The following GMEB2 variants were observed in gnomAD, a reference collection of about 807,000 sequenced individuals.
GMEB2 encodes glucocorticoid modulatory element-binding protein 2.
A neutral mutation model predicts 45.7 loss-of-function variants in GMEB2; 7 were observed. The observed-to-expected ratio is 0.15, with a 90% CI of 0.09 to 0.29. The LOEUF (loss-of-function observed/expected upper bound fraction) is 0.29. Among genes scored for constraint, GMEB2 ranks in the 10% least tolerant of loss-of-function variants. GMEB2 has a pLI of 1.00. For synonymous variants in GMEB2, 322 were observed against 323.6 expected, an observed-to-expected ratio of 1.00 and a Z score of 0.05; for missense variants, 582 against 739.2, an observed-to-expected ratio of 0.79 and a Z score of 2.47.
rs1252973789 is a variant in GMEB2 at position 63,593,653 on chromosome 20, C to T, written c.620-571G>A. 6.6e-6 allele frequency among the ~76,000 whole-genome samples: 1 copy of T among 152,122 alleles called. No homozygotes were observed. The highest frequency in any genetic ancestry group is 2.4e-5 in the African/African-American group (1 of 41,396). On this transcript the variant is annotated intron_variant, in intron 6 of 9. Transcript: ENST00000370077. The surrounding 1 kb of genome is among the most constrained non-coding windows in gnomAD (Gnocchi z 4.7). Reference sequence around the variant, plus strand: ...GTCCCTCTCTCGCGCCTGCAGAACACAACTGGGCGTGTCGTTCATATGTGG... The same window carrying T: ...GTCCCTCTCTCGCGCCTGCAGAACATAACTGGGCGTGTCGTTCATATGTGG...
chr20:63,612,960 CTTTT>C (rs1009365641), intron 2 of GMEB2, among the ~76,000 whole-genome samples: 10 of 151,874 alleles, frequency 6.6e-5, no homozygotes, highest in Non-Finnish European at 8.8e-5. Context: ...TTCTTTCTTT[CTTTT>C]TCTTTTTTTT....
Position 63,619,701 on chromosome 20 carries a change from T to C in GMEB2, c.-57-247A>G. On this transcript the variant is annotated intron_variant, in intron 1 of 9. Coordinates refer to ENST00000370077, the MANE Select transcript of GMEB2 (RefSeq NM_012384.5). The surrounding 1 kb of genome is among the most constrained non-coding windows in gnomAD (Gnocchi z 4.6). ...CCTTGGGTAGAAAGCACAGAGCCAC[T>C]CCCTCCACGTGGGGCTCAGAGCAGG... 4.6e-6 allele frequency: 1 copy of C among 217,332 alleles called. No individual in the cohort carries two copies. 13.5% of individuals were successfully genotyped at this position (217,332 alleles called of 1,614,324 possible).
chr20:63,612,255 T>C (rs1601027572), intron 2 of GMEB2, among the ~76,000 whole-genome samples: 1 of 152,220 alleles, frequency 6.6e-6, no homozygotes, highest in South Asian at 2.1e-4. Context: ...GAAAGCTTTC[T>C]GGCCGCATCT....
intron 2 of GMEB2, among the ~76,000 whole-genome samples, chr20:63,614,060 G>T (rs1040864867): frequency 2.0e-5 from 3 of 152,060 alleles, no homozygotes; most frequent in African/African-American, 7.2e-5. Context: ...CCATCAGATG[G>T]ACCCTGGTAT....
Position 63,595,763 on chromosome 20 carries a change from T to C in GMEB2, c.466A>G (p.Ile156Val), listed in dbSNP as rs2083193577. The C allele has an allele frequency of 1.2e-6, 2 of 1,613,856 alleles. No homozygotes were observed. The highest frequency in any genetic ancestry group is 1.7e-5 in the Admixed American group (1 of 60,006). The part of the protein sequence containing the change: ...IRMNGIMLRK[I>V]MDSGELDFYQ... The stretch of plus-strand genomic sequence containing the variant: ...AAGTCCAGTTCCCCGGAGTCCATGA[T>C]CTTCCTGTGACAGACAGTGGCATGG... The change falls in exon 6 of 10, where the codon ATC (isoleucine) becomes GTC (valine). Residue 156 changes from isoleucine (I) to valine (V), a missense_variant. By Grantham distance (29) the Ile-to-Val change is conservative. Coordinates refer to ENST00000370077, the MANE Select transcript of GMEB2 (RefSeq NM_012384.5).
At chr20:63,607,263 C>T in intron 2 of GMEB2, among the ~76,000 whole-genome samples, 1 of 118,968 alleles carries the variant, frequency 8.4e-6, no homozygotes, top group Non-Finnish European at 1.8e-5. Context: ...ACATGCCCCT[C>T]TGACCCCACA....
chr20:63,596,072 G>A (rs2083198241), intron 5 of GMEB2, among the ~76,000 whole-genome samples: 8 of 152,232 alleles, frequency 5.3e-5, no homozygotes, highest in Admixed American at 4.6e-4. Context: ...TTTCTGGGAT[G>A]TCCCACTACC....
intron 2 of GMEB2, among the ~76,000 whole-genome samples, chr20:63,607,202 C>CCCA (rs2089526917): frequency 7.7e-6 from 1 of 130,222 alleles, no homozygotes; most frequent in Non-Finnish European, 1.7e-5. Flanking sequence ...CCCCTCTGAC[C>CCCA]CACCTCCATT....
At chr20:63,597,311 T>C (rs413393) in intron 5 of GMEB2, among the ~76,000 whole-genome samples, 137,966 of 151,684 alleles carry the variant, frequency 0.91, 62,872 homozygotes, top group East Asian at 1. Flanking sequence ...CAGGCATATG[T>C]CACCAAATCC....
chr20:63,603,043 G>A lies in GMEB2; in HGVS notation c.279C>T (p.Pro93=), dbSNP rs1252518888. 6.2e-7 allele frequency: 1 copy of A among 1,613,766 alleles called. No individual in the cohort carries two copies. Among genetic ancestry groups the A allele is most frequent in the East Asian group, 2.2e-5 (1 of 44,880 alleles). Residue 93 remains proline, a synonymous_variant, in exon 4 of 10, where the codon CCC becomes CCT. Coordinates refer to ENST00000370077, the MANE Select transcript of GMEB2 (RefSeq NM_012384.5). ...TGGCTCTGCTGTCTCCACAGGTGAT[G>A]GGGTACACAATCTCAGCTTCCAGGT... ...GENLEAEIVY[P]ITCGDSRANL...
Position 63,603,968 on chromosome 20 carries a change from T to C in GMEB2, c.229+775A>G, listed in dbSNP as rs1316938934. 2.0e-5 allele frequency among the ~76,000 whole-genome samples: 3 copies of C among 150,346 alleles called. No individual in the cohort carries two copies. In the East Asian group the frequency reaches 5.9e-4, roughly 30 times the overall value. The stretch of plus-strand genomic sequence containing the variant: ...ACTTGGGAGGCTGAGGCAGGAGAAG[T>C]GCTTGAACCTGCAGGGCAGAAGTTG... On this transcript the variant is annotated intron_variant, in intron 3 of 9. Transcript: ENST00000370077.
chr20:63,595,789 A>G, intron 5 of GMEB2, 22 bp from the exon 6 acceptor site: 8 of 1,612,756 alleles, frequency 5.0e-6, no homozygotes, highest in Non-Finnish European at 6.8e-6. Flanking sequence ...AGTGGCATGG[A>G]GCGTCCAGGT....
intron 9 of GMEB2, among the ~76,000 whole-genome samples, chr20:63,591,590 A>G (rs895197674): frequency 1.3e-5 from 2 of 151,984 alleles, no homozygotes; most frequent in Non-Finnish European, 1.5e-5. Context: ...CAGCCTCCCG[A>G]GTAGCTGGGA....
chr20:63,606,779 C>A (rs1336583803), intron 2 of GMEB2, among the ~76,000 whole-genome samples: 1 of 152,212 alleles, frequency 6.6e-6, no homozygotes, highest in Non-Finnish European at 1.5e-5. Context: ...TGTCACAACA[C>A]AACAGGGAAA....
Position 63,589,894 on chromosome 20 carries a change from C to T in GMEB2, c.*195G>A, listed in dbSNP as rs533436188. ...GGGAGGAAACGTGGGACCTGAAGAC[C>T]GATTTTCCAGGTTGCTCTCGCTGTT... is the stretch of plus-strand genomic sequence containing the variant. On this transcript the variant is annotated 3_prime_UTR_variant, in exon 10 of 10. Transcript: ENST00000370077. The T allele has an allele frequency of 8.0e-5, 35 of 437,190 alleles. No homozygotes were observed. The highest frequency in any genetic ancestry group is 5.9e-4 in the Middle Eastern group (1 of 1,704). The allele number at this position is 437,190 out of a possible 1,614,324, so 27.1% of individuals were successfully genotyped here. A position where few individuals can be genotyped will look rare whatever the true frequency, so the allele number is the denominator to read the frequency against.
intron 2 of GMEB2, among the ~76,000 whole-genome samples, chr20:63,618,884 A>T (rs1429155739): frequency 3.9e-5 from 6 of 152,214 alleles, no homozygotes; most frequent in Non-Finnish European, 5.9e-5. Context: ...GACATCTGGT[A>T]CAGAGATGAG....
intron 1 of GMEB2, among the ~76,000 whole-genome samples, chr20:63,621,628 C>T (rs1186334876): frequency 2.3e-5 from 3 of 129,996 alleles, no homozygotes; most frequent in African/African-American, 6.0e-5. Context: ...GATCGTGCCA[C>T]TGCACTCCAG....
chr20:63,599,011 G>C (rs1483315635), intron 4 of GMEB2, among the ~76,000 whole-genome samples: 2 of 152,150 alleles, frequency 1.3e-5, no homozygotes, highest in Non-Finnish European at 2.9e-5. Context: ...TCTCACCCCA[G>C]GTTTTCCTCT....
Position 63,592,726 on chromosome 20 carries a change from C to CCACTACAGCCACAAGGACAT in GMEB2, c.692-57_692-56insATGTCCTTGTGGCTGTAGTG. The stretch of plus-strand genomic sequence containing the variant: ...GGGAAAGTGCTGCTACACGGGGCAG[C>CCACTACAGCCACAAGGACAT]CACCACAGCCACAAGGACATCACCA... On this transcript the variant is annotated intron_variant, in intron 7 of 9. Transcript: ENST00000370077. This position sits in a 1 kb window ranked among gnomAD's most constrained non-coding sequence, Gnocchi z 8.2. 7.0e-7 allele frequency: 1 copy of CCACTACAGCCACAAGGACAT among 1,427,638 alleles called. No homozygotes were observed. The highest frequency in any genetic ancestry group is 9.8e-7 in the Non-Finnish European group (1 of 1,016,442). 88.4% of individuals were successfully genotyped at this position (1,427,638 alleles called of 1,614,324 possible).
Sources: gnomAD v4.1 joint callset for allele counts (sites outside exome capture counted in the v4.1 genomes callset) on GRCh38, gnomAD v4.1.1 for gene constraint, Gnocchi (gnomAD v3.1) non-coding constraint, MANE v1.5 for transcripts, NCBI Gene and HGNC (gene_info 2026-07-23, HGNC 2026-07-21) for gene names.